The following EYS variants were observed in gnomAD, a reference collection of about 807,000 sequenced individuals.
EYS encodes EGF-like photoreceptor maintenance factor, also known as protein eyes shut homolog.
A neutral mutation model predicts 282.1 loss-of-function variants in EYS; 250 were observed. That is an observed-to-expected ratio of 0.89 (90% CI 0.80 to 0.98). The LOEUF (loss-of-function observed/expected upper bound fraction) is 0.98, where lower values mean the gene tolerates loss of function less well. Among genes scored for constraint, EYS ranks in the 50% least tolerant of loss-of-function variants. The pLI is 0.00. For synonymous variants in EYS, 1,355 were observed against 1,282.9 expected, an observed-to-expected ratio of 1.06 and a Z score of -1.20; for missense variants, 4,016 against 3,709.0, an observed-to-expected ratio of 1.08 and a Z score of -2.15.
At chr6:65,198,961 T>C (rs1008312979) in intron 12 of EYS, among the ~76,000 whole-genome samples, 1 of 152,022 alleles carries the variant, frequency 6.6e-6, no homozygotes, top group Non-Finnish European at 1.5e-5. Context: ...TAGGGAAACA[T>C]GTTATGATGT....
intron 2 of EYS, among the ~76,000 whole-genome samples, chr6:65,497,220 A>T (rs1177008862): frequency 6.6e-6 from 1 of 152,056 alleles, no homozygotes. Context: ...TTCATCAATA[A>T]TCAGTTGGAA....
intron 26 of EYS, among the ~76,000 whole-genome samples, chr6:64,475,086 C>G (rs529937588): frequency 6.6e-6 from 1 of 152,142 alleles, no homozygotes; most frequent in Non-Finnish European, 1.5e-5. Flanking sequence ...CAGCAGAATA[C>G]TATCAAGTTT....
intron 12 of EYS, among the ~76,000 whole-genome samples, chr6:65,270,229 G>A (rs1445443244): frequency 6.6e-6 from 1 of 152,080 alleles, no homozygotes; most frequent in Non-Finnish European, 1.5e-5. Context: ...AGGGGTGATG[G>A]GTCTCAAGCA....
At position 64,590,351 on chromosome 6, in the gene EYS, T is replaced by A. The variant is rs1238589706; in HGVS notation, c.5516A>T (p.Lys1839Ile). Residue 1839 changes from lysine (K) to isoleucine (I), a missense_variant, in exon 26 of 43, where the codon AAA (lysine) becomes ATA (isoleucine). Lys to Ile is a moderately radical substitution (Grantham distance 102, BLOSUM62 -3). Transcript: ENST00000503581. Reference sequence around the variant, plus strand: ...TTGCACACTAGGCTGAAGTTCCCATTTGGACCATTCTGAAGAAGTCTTGAC... The same window carrying A: ...TTGCACACTAGGCTGAAGTTCCCATATGGACCATTCTGAAGAAGTCTTGAC... ...KEVKTSSEWSKWELQPSVQYQ... is the reference protein window; with the variant it reads ...KEVKTSSEWSIWELQPSVQYQ... The A allele has an allele frequency of 6.4e-7, 1 of 1,551,318 alleles. No homozygotes were observed. The highest frequency in any genetic ancestry group is 1.2e-5 in the South Asian group (1 of 84,058).
At chr6:64,142,016 G>A (rs1211985785) in intron 31 of EYS, among the ~76,000 whole-genome samples, 8 of 152,112 alleles carry the variant, frequency 5.3e-5, no homozygotes, top group Non-Finnish European at 7.3e-5. Context: ...AGCTGGAAGT[G>A]TAATGTTTTC....
intron 2 of EYS, among the ~76,000 whole-genome samples, chr6:65,608,378 G>T (rs1054856816): frequency 6.6e-6 from 1 of 152,000 alleles, no homozygotes; most frequent in African/African-American, 2.4e-5. Context: ...AATAGAATTT[G>T]CAGGACTGAA....
chr6:64,072,953 C>T (rs1436253091), intron 32 of EYS, among the ~76,000 whole-genome samples: 2 of 151,816 alleles, frequency 1.3e-5, no homozygotes, highest in East Asian at 3.9e-4. Context: ...ATTGACTATA[C>T]ACATTCAACA....
intron 12 of EYS, among the ~76,000 whole-genome samples, chr6:65,190,782 C>T (rs1300428070): frequency 2.0e-5 from 3 of 151,676 alleles, no homozygotes; most frequent in Non-Finnish European, 4.4e-5. Flanking sequence ...AAAAATATTC[C>T]ATAATCTGCA....
chr6:64,306,115 T>A (rs1419661711), intron 30 of EYS, among the ~76,000 whole-genome samples: 1 of 147,840 alleles, frequency 6.8e-6, no homozygotes, highest in Non-Finnish European at 1.5e-5. Context: ...AATATATACA[T>A]GAAAAGATGC....
chr6:63,928,336 C>A (rs760404507), intron 35 of EYS, among the ~76,000 whole-genome samples: 2 of 152,194 alleles, frequency 1.3e-5, no homozygotes, highest in Non-Finnish European at 2.9e-5. Context: ...TCATTCTTCT[C>A]ATTGCCTAGG....
At chr6:63,969,213 A>G (rs1055097913) in intron 35 of EYS, among the ~76,000 whole-genome samples, 7 of 152,190 alleles carry the variant, frequency 4.6e-5, no homozygotes, top group African/African-American at 1.7e-4. Flanking sequence ...TGCCTTGCAA[A>G]ATGACTAGCA....
chr6:64,605,568 C>T (rs1331568256), intron 24 of EYS, among the ~76,000 whole-genome samples: 2 of 151,672 alleles, frequency 1.3e-5, no homozygotes, highest in East Asian at 1.9e-4. Context: ...CAATAGCATC[C>T]TCTGAATTTT....
intron 12 of EYS, among the ~76,000 whole-genome samples, chr6:65,208,149 G>T (rs184058034): frequency 6.6e-6 from 1 of 151,772 alleles, no homozygotes; most frequent in East Asian, 1.9e-4. Flanking sequence ...CAAAGGAAAT[G>T]AAAAGACATG....
chr6:65,042,209 C>T (rs1371153366), intron 13 of EYS, among the ~76,000 whole-genome samples: 1 of 151,296 alleles, frequency 6.6e-6, no homozygotes, highest in African/African-American at 2.4e-5. Flanking sequence ...TTTTTTTGAA[C>T]AGTATATCTG....
intron 8 of EYS, among the ~76,000 whole-genome samples, chr6:65,364,648 G>T (rs1023749691): frequency 6.6e-6 from 1 of 151,310 alleles, no homozygotes; most frequent in African/African-American, 2.4e-5. Flanking sequence ...GCATTTTAAC[G>T]AGATAGTTCA....
intron 29 of EYS, among the ~76,000 whole-genome samples, chr6:64,319,319 C>T (rs6454790): frequency 0.72 from 108,966 of 151,844 alleles, 39,297 homozygotes; most frequent in African/African-American, 0.79. Flanking sequence ...ACCTATCTTA[C>T]TAATAATTAG....
chr6:65,106,572 A>G (rs144142313), intron 12 of EYS, among the ~76,000 whole-genome samples: 385 of 151,852 alleles, frequency 2.5e-3, no homozygotes, highest in African/African-American at 8.5e-3. Flanking sequence ...TGAAACCGAC[A>G]CTCTTGTTTA....
At chr6:63,840,388 T>C (rs1771926250) in intron 36 of EYS, among the ~76,000 whole-genome samples, 1 of 151,986 alleles carries the variant, frequency 6.6e-6, no homozygotes, top group Admixed American at 6.6e-5. Flanking sequence ...GATTGTTGTT[T>C]GTTTTGCTAT....
chr6:65,563,555 T>C (rs553635953), intron 2 of EYS, among the ~76,000 whole-genome samples: 1 of 152,120 alleles, frequency 6.6e-6, no homozygotes, highest in African/African-American at 2.4e-5. Flanking sequence ...ACTATCAATC[T>C]CCAAAAGTTA....
Sources: allele counts gnomAD v4.1 joint callset (sites outside exome capture counted in the v4.1 genomes callset), GRCh38; gene constraint gnomAD v4.1.1; transcripts MANE v1.5; gene names NCBI Gene and HGNC (gene_info 2026-07-23, HGNC 2026-07-21).